Variants in SORL1 observed in about 807,000 individuals in gnomAD.
The protein encoded by SORL1 is sortilin-related receptor.
A neutral mutation model predicts 273.7 loss-of-function variants in SORL1; 127 were observed. The observed-to-expected ratio is 0.46, with a 90% CI of 0.40 to 0.54. The LOEUF is 0.54. Ranked by LOEUF, SORL1 falls within the 20% of genes least tolerant of loss-of-function variation. The pLI is 0.00. For synonymous variants in SORL1, 1,031 were observed against 1,067.4 expected, an observed-to-expected ratio of 0.97 and a Z score of 0.66; for missense variants, 2,494 against 2,846.1, an observed-to-expected ratio of 0.88 and a Z score of 2.81.
At chr11:121,572,239 A>G (rs1303526445) in intron 23 of SORL1, among the ~76,000 whole-genome samples, 1 of 152,192 alleles carries the variant, frequency 6.6e-6, no homozygotes, top group Non-Finnish European at 1.5e-5. Flanking sequence ...TTTGAGAGGA[A>G]TGAAGACCTG....
chr11:121,597,933 C>T (rs551325697), intron 32 of SORL1, among the ~76,000 whole-genome samples: 26 of 152,116 alleles, frequency 1.7e-4, no homozygotes, highest in African/African-American at 5.3e-4. Context: ...GCCTGGACAA[C>T]GGTGGGACAA....
In SORL1 at chr11:121,633,279, A is replaced by C. The variant is rs576244939; in HGVS notation, c.*3716A>C. ...TTTTGAGCAGCCATATTATGAATTA[A>C]ATCGTCACAGCCAAGTAATAACCCA... is the stretch of plus-strand genomic sequence containing the variant. On this transcript the variant is annotated 3_prime_UTR_variant, in exon 48 of 48. Coordinates refer to ENST00000260197, the MANE Select transcript of SORL1 (RefSeq NM_003105.6). The C allele has an allele frequency of 6.6e-6, 1 of 152,308 alleles. No individual in the cohort carries two copies. The highest frequency in any genetic ancestry group is 1.9e-4 in the East Asian group (1 of 5,182). The allele number at this position is 152,308 out of a possible 1,614,324, so 9.4% of individuals were successfully genotyped here. A position where few individuals can be genotyped will look rare whatever the true frequency, so the allele number is the denominator to read the frequency against.
At chr11:121,626,760 G>C (rs1290236725) in intron 46 of SORL1, 1 of 152,158 alleles carries the variant, frequency 6.6e-6, no homozygotes, top group African/African-American at 2.4e-5. Context: ...TTCAAGTTCA[G>C]ACTTACCCTG....
chr11:121,551,107 T>C lies in SORL1; in HGVS notation c.2266+437T>C, dbSNP rs11218337. Reference sequence around the variant, plus strand: ...TAAAATTTTAATGGAATTTTATAGATTTCAGTGTACTTTTTATGTGTTGCC... The same window carrying C: ...TAAAATTTTAATGGAATTTTATAGACTTCAGTGTACTTTTTATGTGTTGCC... On this transcript the variant is annotated intron_variant, in intron 16 of 47. Coordinates refer to ENST00000260197, the MANE Select transcript of SORL1 (RefSeq NM_003105.6). 2.6e-3 allele frequency among the ~76,000 whole-genome samples: 400 copies of C among 152,358 alleles called. 5 individuals carry two copies. Among genetic ancestry groups the C allele is most frequent in the African/African-American group, 9.0e-3 (373 of 41,586 alleles).
intron 8 of SORL1, 98 bp downstream of exon 8, chr11:121,514,419 A>G (rs183014703): frequency 8.0e-7 from 1 of 1,247,664 alleles, no homozygotes; most frequent in African/African-American, 1.5e-5. Context: ...GCCCATGTGG[A>G]TACACCCGGG....
intron 25 of SORL1, 98 bp from the exon 26 acceptor site, chr11:121,583,360 C>G (rs1340784721): frequency 2.1e-5 from 29 of 1,401,420 alleles, no homozygotes; most frequent in Non-Finnish European, 2.9e-6. Context: ...AGACCTTATT[C>G]CTACCTCATG....
rs1171624089 is a variant in SORL1, at chr11:121,596,633, A to G, written c.4519+861A>G. 6.6e-6 allele frequency among the ~76,000 whole-genome samples: 1 copy of G among 152,088 alleles called. No homozygotes were observed. Among genetic ancestry groups the G allele is most frequent in the Non-Finnish European group, 1.5e-5 (1 of 68,004 alleles). ...CTCCATCCAGTCTCCTGCTGGCTGC[A>G]GACAGCAGACGTCCTAGCCAGTCAC... On this transcript the variant is annotated intron_variant, in intron 32 of 47. Transcript: ENST00000260197. This position sits in a 1 kb window ranked among gnomAD's most constrained non-coding sequence, Gnocchi z 4.3.
rs762974440 is a variant in SORL1, at chr11:121,590,998, C to G, written c.4214-3C>G. 6.2e-7 allele frequency: 1 copy of G among 1,614,240 alleles called. No homozygotes were observed. Among genetic ancestry groups the G allele is most frequent in the Non-Finnish European group, 8.5e-7 (1 of 1,180,036 alleles). The stretch of plus-strand genomic sequence containing the variant: ...GGGTTTCCGTGCTTGGTGTTTTTCT[C>G]AGATTCACATATTCTTCCCTTCTCG... On this transcript the variant is annotated splice_region_variant and splice_polypyrimidine_tract_variant and intron_variant, in intron 30 of 47. Coordinates refer to ENST00000260197, the MANE Select transcript of SORL1 (RefSeq NM_003105.6).
chr11:121,604,054 T>A (rs1863430986), intron 32 of SORL1, 139 bp from the exon 33 acceptor site: 1 of 1,029,840 alleles, frequency 9.7e-7, no homozygotes, highest in Non-Finnish European at 1.4e-6. Flanking sequence ...CGGTATAGAT[T>A]CCACCACTGG....
At chr11:121,509,352 G>A (rs1032064227) in intron 6 of SORL1, among the ~76,000 whole-genome samples, 1 of 152,116 alleles carries the variant, frequency 6.6e-6, no homozygotes, top group Non-Finnish European at 1.5e-5. Context: ...TGATAAGAAT[G>A]TCCTTTATTT....
chr11:121,529,671 G>T (rs972804599), intron 11 of SORL1, among the ~76,000 whole-genome samples: 3 of 152,000 alleles, frequency 2.0e-5, no homozygotes, highest in Admixed American at 6.6e-5. Flanking sequence ...CAAATAGTTG[G>T]ACTTAAAGGC....
intron 9 of SORL1, among the ~76,000 whole-genome samples, chr11:121,521,570 G>A (rs1023643747): frequency 6.6e-6 from 1 of 152,202 alleles, no homozygotes; most frequent in Non-Finnish European, 1.5e-5. Flanking sequence ...TTAGGTGGTG[G>A]AAGGAATGTA....
Position 121,549,858 on chromosome 11 carries a change from T to C in SORL1, c.2052-102T>C, listed in dbSNP as rs1339562864. Reference sequence around the variant, plus strand: ...TTAAAGGGACATGTTAAATAACTTATAATAAAAGTGAAAAGTAGTAAGGTA... The same window carrying C: ...TTAAAGGGACATGTTAAATAACTTACAATAAAAGTGAAAAGTAGTAAGGTA... On this transcript the variant is annotated intron_variant, in intron 14 of 47. Coordinates refer to ENST00000260197, the MANE Select transcript of SORL1 (RefSeq NM_003105.6). The C allele has an allele frequency of 5.0e-5, 48 of 957,272 alleles. No homozygotes were observed. In the South Asian group the frequency reaches 6.9e-4, roughly 14 times the overall value. The allele number at this position is 957,272 out of a possible 1,614,324, so 59.3% of individuals were successfully genotyped here. A position where few individuals can be genotyped will look rare whatever the true frequency, so the allele number is the denominator to read the frequency against.
intron 47 of SORL1, chr11:121,629,134 A>G (rs1323326981): frequency 1.9e-5 from 4 of 211,792 alleles, no homozygotes; most frequent in Non-Finnish European, 3.7e-5. Context: ...GAAAGCAGAC[A>G]CTGAAGTTCA....
At chr11:121,516,844 G>A (rs1861961690) in intron 8 of SORL1, among the ~76,000 whole-genome samples, 1 of 152,016 alleles carries the variant, frequency 6.6e-6, no homozygotes, top group Non-Finnish European at 1.5e-5. Context: ...ACGAGGTTAG[G>A]AGATCGAGAC....
intron 11 of SORL1, among the ~76,000 whole-genome samples, chr11:121,527,019 C>G (rs1862133106): frequency 6.6e-6 from 1 of 151,646 alleles, no homozygotes; most frequent in African/African-American, 2.4e-5. Context: ...TTTCATTCTT[C>G]TTATCACAAT....
Position 121,512,953 on chromosome 11 carries a change from A to G in SORL1, c.940-50A>G, listed in dbSNP as rs1445360621. ...CTATTTTTATTTTTGCTGCTTTTGA[A>G]TGACTGTAATGTGGCACCATTAATT... On this transcript the variant is annotated intron_variant, in intron 6 of 47. Transcript: ENST00000260197. The G allele has an allele frequency of 2.4e-6, 3 of 1,242,108 alleles. No individual in the cohort carries two copies. The Admixed American group carries it at 5.2e-5, about 22-fold the overall frequency. The allele number at this position is 1,242,108 out of a possible 1,614,324, so 76.9% of individuals were successfully genotyped here.
chr11:121,485,834 G>A (rs1328424104), intron 3 of SORL1, among the ~76,000 whole-genome samples: 1 of 152,134 alleles, frequency 6.6e-6, no homozygotes, highest in Non-Finnish European at 1.5e-5. Flanking sequence ...TGTAGTTTTT[G>A]CTTTCAAAAC....
At chr11:121,543,508 G>C (rs758707585) in intron 12 of SORL1, 40 bp from the exon 13 acceptor site, 1 of 1,557,312 alleles carries the variant, frequency 6.4e-7, no homozygotes, top group Non-Finnish European at 8.8e-7. Context: ...TTGCCTTAGA[G>C]ACTTTCACTG....
Sources: gnomAD v4.1 joint callset for allele counts (sites outside exome capture counted in the v4.1 genomes callset) on GRCh38, gnomAD v4.1.1 for gene constraint, Gnocchi (gnomAD v3.1) non-coding constraint, MANE v1.5 for transcripts, NCBI Gene and HGNC (gene_info 2026-07-23, HGNC 2026-07-21) for gene names.